Variants in RACGAP1 observed in about 807,000 individuals in gnomAD.
RACGAP1 encodes the protein rac GTPase-activating protein 1.
Under a neutral mutation model 78.1 loss-of-function variants are expected in RACGAP1, and 30 were observed. The observed-to-expected ratio is 0.38, with a 90% CI of 0.29 to 0.52. RACGAP1 has a LOEUF of 0.52. RACGAP1 is among the 20% of genes least tolerant of loss of function. The pLI, the probability that RACGAP1 is intolerant of heterozygous loss-of-function variation, is 0.82. For synonymous variants in RACGAP1, 231 were observed against 264.8 expected (o/e 0.87, Z 1.24); for missense variants, 587 against 777.1 (o/e 0.76, Z 2.91).
In RACGAP1 at chr12:50,004,319, C is replaced by T. The variant is rs1377473259; in HGVS notation, c.426-15G>A. 2.5e-6 allele frequency: 4 copies of T among 1,581,400 alleles called. No individual in the cohort carries two copies. The highest frequency in any genetic ancestry group is 3.5e-6 in the Non-Finnish European group (4 of 1,155,406). ...TGGTTGATAGTCTAGATCAGTGAAA[C>T]AATACAACGTTAGACATGGTAGACT... is the stretch of plus-strand genomic sequence containing the variant. On this transcript the variant is annotated splice_polypyrimidine_tract_variant and intron_variant, in intron 4 of 16. Transcript: ENST00000312377.
intron 10 of RACGAP1, 121 bp from the exon 11 acceptor site, chr12:49,994,630 A>G (rs1357370097): frequency 2.1e-6 from 3 of 1,408,574 alleles, no homozygotes; most frequent in African/African-American, 1.5e-5. Context: ...CTACTTTTAC[A>G]TTCCTATTCC....
Position 49,994,224 on chromosome 12 carries a change from G to A in RACGAP1, c.1246C>T (p.His416Tyr). ...VPLLSKVDDI[H>Y]AICSLLKDFL... ...TCTTTTAGAAGGCTACAGATAGCAT[G>A]GATATCATCCACTTTGCTGAGGAGG... is the stretch of plus-strand genomic sequence containing the variant. Residue 416 changes from histidine to tyrosine, a missense_variant, in exon 12 of 17, where the codon CAT (histidine) becomes TAT (tyrosine). By Grantham distance (83) the His-to-Tyr change is moderately conservative (BLOSUM62 2). Transcript: ENST00000312377. 6.2e-7 allele frequency: 1 copy of A among 1,614,100 alleles called. No individual in the cohort carries two copies. Among genetic ancestry groups the A allele is most frequent in the Non-Finnish European group, 8.5e-7 (1 of 1,180,020 alleles).
upstream of RACGAP1, among the ~76,000 whole-genome samples, chr12:50,026,349 T>A (rs1391938037): frequency 6.3e-5 from 9 of 142,512 alleles, no homozygotes; most frequent in East Asian, 2.0e-4. Context: ...GTCCTTAATT[T>A]AAAAAAAAAA....
chr12:50,010,539 G>A (rs549373980), intron 2 of RACGAP1, among the ~76,000 whole-genome samples: 1 of 151,746 alleles, frequency 6.6e-6, no homozygotes, highest in East Asian at 2.0e-4. Context: ...TGGTCAGACT[G>A]GTCTTGAACT....
chr12:50,011,506 C>T (rs1032460784), intron 2 of RACGAP1, among the ~76,000 whole-genome samples: 22 of 151,866 alleles, frequency 1.4e-4, no homozygotes, highest in African/African-American at 5.1e-4. Flanking sequence ...GTGGGAGGAC[C>T]GCTTGAGCCC....
At chr12:49,991,481 T>TATATATATATATATATATATATA (rs1592124066) in intron 15 of RACGAP1, among the ~76,000 whole-genome samples, 1 of 9,200 alleles carries the variant, frequency 1.1e-4, no homozygotes, top group Admixed American at 1.9e-3. Context: ...ATATATATAT[T>TATATATATATATATATATATATA]TTTTTTTTTT....
chr12:50,008,546 G>A (rs1273728079), intron 2 of RACGAP1, among the ~76,000 whole-genome samples: 1 of 151,838 alleles, frequency 6.6e-6, no homozygotes, highest in Non-Finnish European at 1.5e-5. Flanking sequence ...AGACTGGAGT[G>A]CAGTAGCACA....
At chr12:50,023,733 AAAAAAG>A (rs900395824) in intron 1 of RACGAP1, among the ~76,000 whole-genome samples, 3 of 152,126 alleles carry the variant, frequency 2.0e-5, no homozygotes, top group Admixed American at 6.5e-5. Context: ...ACTCCTTCTC[AAAAAAG>A]AAAAAGAAAA....
At chr12:50,008,202 C>CTT (rs554013271) in intron 2 of RACGAP1, among the ~76,000 whole-genome samples, 11 of 116,802 alleles carry the variant, frequency 9.4e-5, no homozygotes, top group African/African-American at 3.2e-4. Context: ...AAAGATATTA[C>CTT]TTTTTTTTTT....
rs1949696625 is a variant in RACGAP1 at position 50,016,620 on chromosome 12, G to A, written c.85+11C>T. On this transcript the variant is annotated intron_variant, in intron 2 of 16. Transcript: ENST00000312377. The stretch of plus-strand genomic sequence containing the variant: ...TTTTTCCTTTGGACAGGCCAGCTCA[G>A]AATGACTTACGGACTTCATTTCCTT... 1 of 1,611,636 alleles carries A rather than the reference G, an allele frequency of 6.2e-7. No homozygotes were observed. The highest frequency in any genetic ancestry group is 8.5e-7 in the Non-Finnish European group (1 of 1,178,206).
chr12:49,994,459 A>C lies in RACGAP1; in HGVS notation c.1095T>G (p.Ile365Met), dbSNP rs1948117537. 1 of 1,613,962 alleles carries C rather than the reference A, an allele frequency of 6.2e-7. No homozygotes were observed. Among genetic ancestry groups the C allele is most frequent in the African/African-American group, 1.3e-5 (1 of 74,924 alleles). ...CAATCTCATTTACACAATGCACAAC[A>C]ATGGAGGGGATCATTGGAGAAGTCT... ...VSQTSPMIPS[I>M]VVHCVNEIEQ... The change falls in exon 11 of 17, where the codon ATT (isoleucine) becomes ATG (methionine). Residue 365 changes from isoleucine (I) to methionine (M), a missense_variant. Transcript: ENST00000312377.
chr12:50,005,880 C>G (rs1565680400), intron 3 of RACGAP1, among the ~76,000 whole-genome samples: 1 of 152,208 alleles, frequency 6.6e-6, no homozygotes, highest in East Asian at 1.9e-4. Context: ...ATTAGTCCCT[C>G]CCAGTAAAGG....
intron 5 of RACGAP1, 32 bp downstream of exon 5, chr12:50,004,203 T>C (rs1948841648): frequency 1.3e-6 from 2 of 1,586,046 alleles, no homozygotes; most frequent in Non-Finnish European, 1.7e-6. Context: ...GTAAGAAAAG[T>C]AGGTAATTCT....
At chr12:49,991,957 G>T (rs1051265392) in intron 15 of RACGAP1, 41 bp downstream of exon 15, 1 of 1,606,654 alleles carries the variant, frequency 6.2e-7, no homozygotes, top group Non-Finnish European at 8.5e-7. Flanking sequence ...TAAAACTAAA[G>T]AGAGAGTCAA....
chr12:50,024,668 A>G (rs1383097575), intron 1 of RACGAP1, among the ~76,000 whole-genome samples: 3 of 152,144 alleles, frequency 2.0e-5, no homozygotes, highest in African/African-American at 7.2e-5. Flanking sequence ...AATTTTTTTA[A>G]GTCCCCTCCA....
intron 1 of RACGAP1, among the ~76,000 whole-genome samples, chr12:50,019,108 C>T (rs1304524480): frequency 6.6e-6 from 1 of 152,138 alleles, no homozygotes; most frequent in African/African-American, 2.4e-5. Flanking sequence ...TTCAGAATCA[C>T]CTCTGGTTCC....
In RACGAP1 at chr12:50,005,262, T is replaced by C. The variant is rs775085125; in HGVS notation, c.419A>G (p.Asn140Ser). ...ACAGATGCAGTTCCTCCACCTTTTGTTCCCAGCATTGCTGCTGGATGGTTG... is the reference window on the plus strand; with the variant it reads ...ACAGATGCAGTTCCTCCACCTTTTGCTCCCAGCATTGCTGCTGGATGGTTG... ...RGQPSSSNAG[N>S]KRLSTIDESG... The change falls in exon 4 of 17, where the codon AAC becomes AGC. Residue 140 changes from asparagine (N) to serine (S), a missense_variant. Coordinates refer to ENST00000312377, the MANE Select transcript of RACGAP1 (RefSeq NM_001319999.2). 3 of 1,614,142 alleles carry C rather than the reference T, an allele frequency of 1.9e-6. No homozygotes were observed. The highest frequency in any genetic ancestry group is 2.5e-6 in the Non-Finnish European group (3 of 1,180,002).
intron 2 of RACGAP1, among the ~76,000 whole-genome samples, chr12:50,009,559 C>T (rs1277513604): frequency 6.6e-6 from 1 of 152,044 alleles, no homozygotes; most frequent in Non-Finnish European, 1.5e-5. Context: ...AGACAAAGAC[C>T]CTATGTCTCC....
At chr12:50,011,686 T>G (rs1479524280) in intron 2 of RACGAP1, among the ~76,000 whole-genome samples, 2 of 152,116 alleles carry the variant, frequency 1.3e-5, no homozygotes, top group African/African-American at 4.8e-5. Flanking sequence ...CCGGGCATGG[T>G]GGCTCATGCC....
Sources: allele counts gnomAD v4.1 joint callset (sites outside exome capture counted in the v4.1 genomes callset), GRCh38; gene constraint gnomAD v4.1.1; transcripts MANE v1.5; gene names NCBI Gene and HGNC (gene_info 2026-07-23, HGNC 2026-07-21).